Variants in CHRM5 observed in about 807,000 individuals in gnomAD.
CHRM5 encodes cholinergic receptor muscarinic 5.
CHRM5 carries 18 observed loss-of-function variants against 39.0 expected under a neutral mutation model. The ratio of observed to expected loss-of-function variants is 0.46; its 90% confidence interval spans 0.32 to 0.68. CHRM5 has a LOEUF of 0.68. Ranked by LOEUF, CHRM5 falls within the 30% of genes least tolerant of loss-of-function variation. CHRM5 has a pLI of 0.04. For missense variants in CHRM5, 515 were observed against 651.1 expected, an observed-to-expected ratio of 0.79 and a Z score of 2.28; for synonymous variants, 241 against 246.3, an observed-to-expected ratio of 0.98 and a Z score of 0.20.
chr15:34,041,185 C>G, intron 1 of CHRM5, among the ~76,000 whole-genome samples: 1 of 152,088 alleles, frequency 6.6e-6, no homozygotes, highest in Non-Finnish European at 1.5e-5. Flanking sequence ...CACTAGATGC[C>G]AGAATGAACC....
intron 1 of CHRM5, among the ~76,000 whole-genome samples, chr15:34,021,359 C>T (rs929766385): frequency 1.3e-5 from 2 of 151,680 alleles, no homozygotes; most frequent in Non-Finnish European, 2.9e-5. Context: ...CATCTTGGCT[C>T]ACCACAACCT....
chr15:34,037,646 G>C (rs980302518), intron 1 of CHRM5, among the ~76,000 whole-genome samples: 23 of 151,122 alleles, frequency 1.5e-4, no homozygotes, highest in Non-Finnish European at 2.9e-4. Flanking sequence ...GTTTCTGTCA[G>C]TTTACACGAG....
intron 1 of CHRM5, among the ~76,000 whole-genome samples, chr15:33,990,117 T>G (rs1896655399): frequency 1.3e-5 from 2 of 151,864 alleles, no homozygotes; most frequent in Non-Finnish European, 2.9e-5. Flanking sequence ...GGCAGGAGAA[T>G]CACTTGAACC....
intron 2 of CHRM5, among the ~76,000 whole-genome samples, chr15:34,052,114 T>G (rs1017782473): frequency 6.6e-6 from 1 of 151,960 alleles, no homozygotes; most frequent in African/African-American, 2.4e-5. Flanking sequence ...TACTGGCAAA[T>G]GAAATCCAGC....
chr15:34,022,487 T>A (rs943268466), intron 1 of CHRM5, among the ~76,000 whole-genome samples: 2 of 152,142 alleles, frequency 1.3e-5, no homozygotes, highest in Non-Finnish European at 2.9e-5. Context: ...AAGGTGGATT[T>A]TCTCAAAGCT....
At chr15:34,015,266 G>A (rs968373471) in intron 1 of CHRM5, among the ~76,000 whole-genome samples, 1 of 152,054 alleles carries the variant, frequency 6.6e-6, no homozygotes, top group African/African-American at 2.4e-5. Flanking sequence ...GGCGGGTCAC[G>A]AGGTCAGGAG....
chr15:33,985,980 T>C (rs577956452), intron 1 of CHRM5, among the ~76,000 whole-genome samples: 2 of 152,322 alleles, frequency 1.3e-5, no homozygotes, highest in East Asian at 1.9e-4. Context: ...CTAACTCACA[T>C]AGCATTCCCC....
chr15:33,984,116 T>C (rs926667395), intron 1 of CHRM5, among the ~76,000 whole-genome samples: 7 of 151,914 alleles, frequency 4.6e-5, no homozygotes, highest in African/African-American at 9.7e-5. Context: ...GTGGAAAAAA[T>C]TGGAGAAATG....
chr15:34,043,943 C>G (rs1899585739), intron 1 of CHRM5, among the ~76,000 whole-genome samples: 1 of 152,118 alleles, frequency 6.6e-6, no homozygotes, highest in Non-Finnish European at 1.5e-5. Flanking sequence ...GCCAAGGCCT[C>G]TATTACTGCA....
Position 34,064,152 on chromosome 15 carries a change from T to G in CHRM5, c.1435T>G (p.Leu479Val). ...DKCVPVTLWH[L>V]GYWLCYVNST... ...GTGTGTCCCAGTCACCCTGTGGCAC[T>G]TGGGCTATTGGTTGTGCTATGTCAA... Residue 479 changes from leucine to valine, a missense_variant, in exon 3 of 3, where the codon TTG becomes GTG. Transcript: ENST00000383263. 3 of 1,614,238 alleles carry G rather than the reference T, an allele frequency of 1.9e-6. No individual in the cohort carries two copies. Among genetic ancestry groups the G allele is most frequent in the Non-Finnish European group, 2.5e-6 (3 of 1,180,028 alleles).
chr15:34,014,381 A>AAC (rs1897780183), intron 1 of CHRM5, among the ~76,000 whole-genome samples: 1 of 116,952 alleles, frequency 8.6e-6, no homozygotes, highest in Non-Finnish European at 1.8e-5. Flanking sequence ...AAAAAAAAAA[A>AAC]AAACAAAAAC....
At chr15:33,983,211 T>TACAC (rs1555512813) in intron 1 of CHRM5, among the ~76,000 whole-genome samples, 292 of 14,534 alleles carry the variant, frequency 0.02, 5 homozygotes, top group African/African-American at 0.034. Flanking sequence ...TATATATATA[T>TACAC]ATACATATAT....
chr15:34,038,158 C>T lies in CHRM5; in HGVS notation c.-407-8382C>T, dbSNP rs532777730. Among the ~76,000 whole-genome samples, 9 of 152,274 alleles carry T rather than the reference C, an allele frequency of 5.9e-5. No individual in the cohort carries two copies. In the East Asian group the frequency reaches 1.5e-3, roughly 26 times the overall value. On this transcript the variant is annotated intron_variant, in intron 1 of 2. Transcript: ENST00000383263. ...ATTCAAAACGACAAAGCCCAGTGCT[C>T]GCTGATTTCTACACATACAGGCATA...
intron 1 of CHRM5, chr15:34,038,720 C>A: frequency 3.6e-6 from 4 of 1,124,526 alleles, no homozygotes; most frequent in Non-Finnish European, 4.3e-6. Flanking sequence ...TGACTGGCGG[C>A]CTCGGCCCCA....
At chr15:33,992,665 A>C (rs1431042677) in intron 1 of CHRM5, among the ~76,000 whole-genome samples, 1 of 2,396 alleles carries the variant, frequency 4.2e-4, no homozygotes, top group Non-Finnish European at 8.8e-3. Flanking sequence ...ATACAAGAAG[A>C]GGGAAAAAAA....
chr15:34,042,503 C>T (rs549857874), intron 1 of CHRM5, among the ~76,000 whole-genome samples: 3 of 150,372 alleles, frequency 2.0e-5, no homozygotes, highest in African/African-American at 4.9e-5. Context: ...CAGGTTCAAG[C>T]GATTCTCCTG....
intron 1 of CHRM5, among the ~76,000 whole-genome samples, chr15:34,014,366 T>A (rs1344924230): frequency 8.0e-5 from 1 of 12,458 alleles, no homozygotes; most frequent in African/African-American, 4.1e-4. Flanking sequence ...CTCCATCTCA[T>A]TAAAAAAAAA....
chr15:34,029,793 T>G (rs1396107875), intron 1 of CHRM5, among the ~76,000 whole-genome samples: 1 of 152,198 alleles, frequency 6.6e-6, no homozygotes, highest in Non-Finnish European at 1.5e-5. Context: ...GGATTAAGAC[T>G]TCTTTAATAA....
At chr15:34,039,118 C>G in intron 1 of CHRM5, 1 of 1,048,558 alleles carries the variant, frequency 9.5e-7, no homozygotes, top group Non-Finnish European at 1.1e-6. Context: ...CCACCGGAAG[C>G]GGGCCGCACG....
Sources: allele counts gnomAD v4.1 joint callset (sites outside exome capture counted in the v4.1 genomes callset), GRCh38; gene constraint gnomAD v4.1.1; transcripts MANE v1.5; gene names NCBI Gene and HGNC (gene_info 2026-07-23, HGNC 2026-07-21).